Variants in CAMK4 observed in about 807,000 individuals in gnomAD.
CAMK4 encodes the protein calcium/calmodulin-dependent protein kinase type IV.
CAMK4 carries 22 observed loss-of-function variants against 44.9 expected under a neutral mutation model. The observed-to-expected ratio is 0.49, with a 90% CI of 0.35 to 0.70. The LOEUF (loss-of-function observed/expected upper bound fraction) is 0.70, where lower values mean the gene tolerates loss of function less well. Among genes scored for constraint, CAMK4 ranks in the 30% least tolerant of loss-of-function variants. CAMK4 has a pLI of 0.01. For synonymous variants in CAMK4, 218 were observed against 215.4 expected (o/e 1.01, Z -0.11); for missense variants, 498 against 586.8 (o/e 0.85, Z 1.56).
chr5:111,327,814 G>A (rs1488712564), intron 1 of CAMK4, among the ~76,000 whole-genome samples: 2 of 150,152 alleles, frequency 1.3e-5, no homozygotes, highest in African/African-American at 2.5e-5. Flanking sequence ...CTTCTTTTGA[G>A]AAGTGTCTGT....
At chr5:111,233,448 T>G (rs1468227004) in intron 1 of CAMK4, among the ~76,000 whole-genome samples, 2 of 150,524 alleles carry the variant, frequency 1.3e-5, no homozygotes, top group Non-Finnish European at 3.0e-5. Flanking sequence ...ATTATATGAC[T>G]GATGTTTACT....
intron 1 of CAMK4, among the ~76,000 whole-genome samples, chr5:111,335,248 C>T (rs1215159187): frequency 6.6e-6 from 1 of 151,466 alleles, no homozygotes; most frequent in Non-Finnish European, 1.5e-5. Context: ...GATTTATAAC[C>T]TCCCTTAATA....
In CAMK4 at chr5:111,443,770, T is replaced by A. The variant is rs1249745452; in HGVS notation, c.460-2916T>A. Among the ~76,000 whole-genome samples, 6 of 152,148 alleles carry A rather than the reference T, an allele frequency of 3.9e-5. 1 individual carries two copies. In the East Asian group the frequency reaches 1.2e-3, roughly 29 times the overall value. On this transcript the variant is annotated intron_variant, in intron 5 of 10. Coordinates refer to ENST00000282356, the MANE Select transcript of CAMK4 (RefSeq NM_001744.6). Reference sequence around the variant, plus strand: ...GTCTTTGTTACTGTGTTCCTATGTTTAGCGTCATTTTCTTCTCAACACAAT... The same window carrying A: ...GTCTTTGTTACTGTGTTCCTATGTTAAGCGTCATTTTCTTCTCAACACAAT...
Position 111,320,390 on chromosome 5 carries a change from A to C in CAMK4, c.162-23634A>C, listed in dbSNP as rs553797851. Among the ~76,000 whole-genome samples the C allele has an allele frequency of 3.9e-5, 6 of 152,320 alleles. No homozygotes were observed. The South Asian group carries it at 1.2e-3, about 32-fold the overall frequency. On this transcript the variant is annotated intron_variant, in intron 1 of 10. Coordinates refer to ENST00000282356, the MANE Select transcript of CAMK4 (RefSeq NM_001744.6). ...TAGAGACCTGGAGCCTATTTAAGAA[A>C]GCTATGGAGTAGAAACGGAAATGAT...
At chr5:111,473,517 G>T in intron 8 of CAMK4, 131 bp downstream of exon 8, 2 of 622,944 alleles carry the variant, frequency 3.2e-6, no homozygotes, top group Non-Finnish European at 2.8e-6. Context: ...CATACTAAAT[G>T]CAGTTAGTGA....
intron 1 of CAMK4, among the ~76,000 whole-genome samples, chr5:111,274,115 A>G (rs1303753258): frequency 2.0e-5 from 3 of 151,890 alleles, no homozygotes; most frequent in Non-Finnish European, 2.9e-5. Context: ...ACACAAACCC[A>G]CCTGTCTCCT....
In CAMK4 at chr5:111,279,160, A is replaced by T. The variant is rs557679444; in HGVS notation, c.161+54516A>T. ...CCCATTATTTCTTTTATTTGTAGCA[A>T]ATTTGGTCGTAGGCTTGAACTTATT... is the stretch of plus-strand genomic sequence containing the variant. On this transcript the variant is annotated intron_variant, in intron 1 of 10. Coordinates refer to ENST00000282356, the MANE Select transcript of CAMK4 (RefSeq NM_001744.6). 2.6e-5 allele frequency among the ~76,000 whole-genome samples: 4 copies of T among 152,246 alleles called. No individual in the cohort carries two copies. In the East Asian group the frequency reaches 7.7e-4, roughly 29 times the overall value.
At chr5:111,341,513 A>G (rs976793206) in intron 1 of CAMK4, among the ~76,000 whole-genome samples, 3 of 151,142 alleles carry the variant, frequency 2.0e-5, no homozygotes, top group African/African-American at 7.3e-5. Flanking sequence ...AATCCATCAT[A>G]TATGTGTAGG....
At chr5:111,308,576 C>G (rs1748046730) in intron 1 of CAMK4, among the ~76,000 whole-genome samples, 1 of 152,002 alleles carries the variant, frequency 6.6e-6, no homozygotes, top group African/African-American at 2.4e-5. Flanking sequence ...TTTTGGAGAT[C>G]AATCCAAAAT....
chr5:111,243,485 G>A (rs549959405), intron 1 of CAMK4, among the ~76,000 whole-genome samples: 1 of 152,314 alleles, frequency 6.6e-6, no homozygotes, highest in Admixed American at 6.5e-5. Flanking sequence ...TCAGGAGCCT[G>A]ACTAAAGTTT....
At chr5:111,473,164 G>C (rs1755122037) in intron 7 of CAMK4, 147 bp from the exon 8 acceptor site, 2 of 676,746 alleles carry the variant, frequency 3.0e-6, no homozygotes, top group East Asian at 2.7e-5. Context: ...AGTATTTATA[G>C]CTTCATACTG....
intron 5 of CAMK4, among the ~76,000 whole-genome samples, chr5:111,405,459 T>C (rs1462081362): frequency 2.0e-5 from 3 of 152,036 alleles, no homozygotes; most frequent in Non-Finnish European, 4.4e-5. Context: ...AGAGCAAGAC[T>C]GCGTCTCAAA....
intron 1 of CAMK4, among the ~76,000 whole-genome samples, chr5:111,275,973 T>C (rs1357918993): frequency 6.6e-6 from 1 of 152,152 alleles, no homozygotes; most frequent in Admixed American, 6.5e-5. Flanking sequence ...TTCAGGACCT[T>C]AAATATATAG....
intron 1 of CAMK4, among the ~76,000 whole-genome samples, chr5:111,258,937 A>C (rs1282238941): frequency 2.6e-5 from 4 of 152,142 alleles, no homozygotes; most frequent in Non-Finnish European, 5.9e-5. Context: ...AAAAACCCTT[A>C]AGGAAGTAAA....
At chr5:111,468,555 G>T (rs541427193) in intron 7 of CAMK4, among the ~76,000 whole-genome samples, 4 of 152,306 alleles carry the variant, frequency 2.6e-5, no homozygotes, top group Admixed American at 2.6e-4. Flanking sequence ...ATACTTAGGA[G>T]ACTTGAAGCT....
At chr5:111,434,069 G>A (rs539286413) in intron 5 of CAMK4, among the ~76,000 whole-genome samples, 40 of 152,228 alleles carry the variant, frequency 2.6e-4, no homozygotes, top group African/African-American at 8.2e-4. Context: ...GGCCGAGCAG[G>A]CGGATCACAA....
chr5:111,235,798 C>T (rs572132871), intron 1 of CAMK4, among the ~76,000 whole-genome samples: 22 of 152,266 alleles, frequency 1.4e-4, no homozygotes, highest in South Asian at 4.1e-4. Context: ...GGCAGCAGAG[C>T]GTTGGTCCGA....
chr5:111,373,435 A>G (rs756332), intron 2 of CAMK4, among the ~76,000 whole-genome samples: 16,865 of 134,788 alleles, frequency 0.13, 1,582 homozygotes, highest in African/African-American at 0.27. Flanking sequence ...AAATATATTT[A>G]TATGTTGCAA....
rs1752286564 is a variant in CAMK4, at chr5:111,402,982, T to A, written c.459+8200T>A. Among the ~76,000 whole-genome samples, 3 of 152,320 alleles carry A rather than the reference T, an allele frequency of 2.0e-5. No homozygotes were observed. In the South Asian group the frequency reaches 6.2e-4, roughly 32 times the overall value. The stretch of plus-strand genomic sequence containing the variant: ...TTATATGCCCTGTTACTTGAAGCAA[T>A]AAGATACTGAACCGTTTTTTCAATA... On this transcript the variant is annotated intron_variant, in intron 5 of 10. Coordinates refer to ENST00000282356, the MANE Select transcript of CAMK4 (RefSeq NM_001744.6).
Sources: allele counts gnomAD v4.1 joint callset (sites outside exome capture counted in the v4.1 genomes callset), GRCh38; gene constraint gnomAD v4.1.1; transcripts MANE v1.5; gene names NCBI Gene and HGNC (gene_info 2026-07-23, HGNC 2026-07-21).